The following ATRNL1 variants were observed in gnomAD, a reference collection of about 807,000 sequenced individuals.
ATRNL1 encodes attractin like 1, also known as attractin-like protein 1.
Under a neutral mutation model 182.7 loss-of-function variants are expected in ATRNL1, and 95 were observed. The observed-to-expected ratio is 0.52, with a 90% CI of 0.44 to 0.62. The LOEUF is 0.62. ATRNL1 is among the 20% of genes least tolerant of loss of function. The probability of loss-of-function intolerance (pLI) is 0.00; values close to 1 mark genes in which losing one functional copy is unlikely to be tolerated. For synonymous variants in ATRNL1, 576 were observed against 568.3 expected (o/e 1.01, Z -0.19); for missense variants, 1,471 against 1,679.5 (o/e 0.88, Z 2.17).
At chr10:115,692,187 T>C (rs1318298102) in intron 26 of ATRNL1, among the ~76,000 whole-genome samples, 1 of 152,208 alleles carries the variant, frequency 6.6e-6, no homozygotes, top group East Asian at 1.9e-4. Context: ...CCAACTATAG[T>C]AAGGCAAAAT....
At position 115,125,596 on chromosome 10, in the gene ATRNL1, T is replaced by C. The variant is rs941531622; in HGVS notation, c.492-1997T>C. On this transcript the variant is annotated intron_variant, in intron 3 of 28. Coordinates refer to ENST00000355044, the MANE Select transcript of ATRNL1 (RefSeq NM_207303.4). ...AATTTGAGGCCTAGAAAGATTATAT[T>C]CTTGCAGAGACTACCTGGGGACACT... Among the ~76,000 whole-genome samples the C allele has an allele frequency of 2.0e-5, 3 of 152,280 alleles. No homozygotes were observed. In the East Asian group the frequency reaches 5.8e-4, roughly 29 times the overall value.
chr10:115,323,623 T>C (rs1422152657), intron 18 of ATRNL1, among the ~76,000 whole-genome samples: 2 of 151,828 alleles, frequency 1.3e-5, no homozygotes, highest in Non-Finnish European at 2.9e-5. Flanking sequence ...TTTGTATTTT[T>C]AGTAGAGACA....
intron 28 of ATRNL1, among the ~76,000 whole-genome samples, chr10:115,930,017 T>G (rs2134589670): frequency 6.6e-6 from 1 of 152,242 alleles, no homozygotes; most frequent in East Asian, 1.9e-4. Flanking sequence ...GCTTACATAT[T>G]AAAATATTGA....
At chr10:115,733,406 G>T (rs1178012779) in intron 27 of ATRNL1, among the ~76,000 whole-genome samples, 3 of 152,098 alleles carry the variant, frequency 2.0e-5, no homozygotes, top group Non-Finnish European at 4.4e-5. Context: ...AATTAATTTC[G>T]AATCTACTTT....
At chr10:115,505,387 G>A (rs994044561) in intron 24 of ATRNL1, among the ~76,000 whole-genome samples, 3 of 152,104 alleles carry the variant, frequency 2.0e-5, no homozygotes. Context: ...AGTAGCCTCT[G>A]TTGTAATAGG....
intron 1 of ATRNL1, among the ~76,000 whole-genome samples, chr10:115,116,916 G>A (rs1844512135): frequency 6.6e-6 from 1 of 151,990 alleles, no homozygotes; most frequent in Non-Finnish European, 1.5e-5. Flanking sequence ...TGAATAGGAC[G>A]GGACAGGGTG....
At chr10:115,156,386 G>GATC (rs1466613815) in intron 5 of ATRNL1, among the ~76,000 whole-genome samples, 10 of 152,176 alleles carry the variant, frequency 6.6e-5, no homozygotes, top group African/African-American at 2.4e-4. Context: ...GGGAGGAAAC[G>GATC]ATCAAGGTTT....
chr10:115,265,326 T>C (rs547379715), intron 11 of ATRNL1, 49 bp downstream of exon 11: 2 of 1,151,150 alleles, frequency 1.7e-6, no homozygotes, highest in East Asian at 4.8e-5. Flanking sequence ...ATATCAGTCA[T>C]ACTATCCTCA....
intron 19 of ATRNL1, among the ~76,000 whole-genome samples, chr10:115,375,787 T>C (rs1857638215): frequency 6.6e-6 from 1 of 152,144 alleles, no homozygotes; most frequent in African/African-American, 2.4e-5. Flanking sequence ...TTTATATTGT[T>C]TTTAGAAAAT....
intron 28 of ATRNL1, among the ~76,000 whole-genome samples, chr10:115,919,658 A>G (rs922805015): frequency 2.6e-5 from 4 of 151,994 alleles, no homozygotes; most frequent in Middle Eastern, 3.2e-3. Context: ...ATGCATACAC[A>G]TATATATATA....
At chr10:115,912,948 C>CCCAGAGCTCCCAATTCCCCACAGTGG (rs1952728972) in intron 28 of ATRNL1, among the ~76,000 whole-genome samples, 2 of 152,090 alleles carry the variant, frequency 1.3e-5, no homozygotes, top group African/African-American at 2.4e-5. Flanking sequence ...TGCTAGACTG[C>CCCAGAGCTCCCAATTCCCCACAGTGG]CCAGAGCTCC....
At chr10:115,445,786 C>G (rs114034854) in intron 21 of ATRNL1, among the ~76,000 whole-genome samples, 1,212 of 4,642 alleles carry the variant, frequency 0.26, 16 homozygotes, top group African/African-American at 0.45. Flanking sequence ...TTTTCACCAG[C>G]TAGTGGCTAC....
At chr10:115,156,645 G>T (rs1483089577) in intron 5 of ATRNL1, among the ~76,000 whole-genome samples, 1 of 152,046 alleles carries the variant, frequency 6.6e-6, no homozygotes, top group Non-Finnish European at 1.5e-5. Flanking sequence ...TTAAAACTGT[G>T]CATAACCTGC....
At chr10:115,272,494 A>G (rs1424657726) in intron 13 of ATRNL1, among the ~76,000 whole-genome samples, 1 of 152,198 alleles carries the variant, frequency 6.6e-6, no homozygotes, top group Non-Finnish European at 1.5e-5. Context: ...GGAAAAAATT[A>G]TTCCTTCCTC....
intron 5 of ATRNL1, among the ~76,000 whole-genome samples, chr10:115,149,876 C>CTTTTT: frequency 8.1e-6 from 1 of 123,282 alleles, no homozygotes; most frequent in Non-Finnish European, 1.8e-5. Context: ...TCTCCTTTTC[C>CTTTTT]TTTTTTTTTT....
intron 19 of ATRNL1, among the ~76,000 whole-genome samples, chr10:115,391,831 TTTTA>T (rs1735070354): frequency 6.6e-6 from 1 of 151,838 alleles, no homozygotes; most frequent in Non-Finnish European, 1.5e-5. Flanking sequence ...TTTAGTAGAG[TTTTA>T]TTTGTTTATT....
chr10:115,525,093 A>T (rs1554986211), intron 25 of ATRNL1, among the ~76,000 whole-genome samples: 2 of 152,080 alleles, frequency 1.3e-5, no homozygotes, highest in African/African-American at 4.8e-5. Context: ...TCGGTTTTGG[A>T]TTTTAAAATT....
chr10:115,421,198 G>A (rs1845636029), intron 20 of ATRNL1, among the ~76,000 whole-genome samples: 1 of 151,996 alleles, frequency 6.6e-6, no homozygotes. Context: ...CATTCTATGA[G>A]GCCAGCATTA....
chr10:115,171,549 A>G (rs1291551462), intron 8 of ATRNL1, among the ~76,000 whole-genome samples: 11 of 152,030 alleles, frequency 7.2e-5, no homozygotes, highest in African/African-American at 2.7e-4. Flanking sequence ...TTTTTAAAAA[A>G]ATATGTGAAA....
Sources: allele counts gnomAD v4.1 joint callset (sites outside exome capture counted in the v4.1 genomes callset), GRCh38; gene constraint gnomAD v4.1.1; transcripts MANE v1.5; gene names NCBI Gene and HGNC (gene_info 2026-07-23, HGNC 2026-07-21).